The following WDPCP variants were observed in gnomAD, a reference collection of about 807,000 sequenced individuals.
WDPCP encodes WD repeat containing planar cell polarity effector, also known as WD repeat-containing and planar cell polarity effector protein fritz homolog.
Under a neutral mutation model 93.1 loss-of-function variants are expected in WDPCP, and 71 were observed. The ratio of observed to expected loss-of-function variants is 0.76; its 90% CI spans 0.63 to 0.93. WDPCP has a LOEUF of 0.93. WDPCP is among the 40% of genes least tolerant of loss of function. The pLI is 0.00. For synonymous variants in WDPCP, 315 were observed against 315.0 expected (o/e 1.00, Z 0.00); for missense variants, 844 against 887.4 (o/e 0.95, Z 0.62).
chr2:63,521,310 C>T (rs1026919510), intron 1 of WDPCP, among the ~76,000 whole-genome samples: 3 of 152,170 alleles, frequency 2.0e-5, no homozygotes, highest in Non-Finnish European at 4.4e-5. Flanking sequence ...CTTCAAGAAA[C>T]TCGTCTCACA....
chr2:63,337,332 G>GATATT (rs1688456443), intron 12 of WDPCP, among the ~76,000 whole-genome samples: 1 of 152,000 alleles, frequency 6.6e-6, no homozygotes, highest in African/African-American at 2.4e-5. Context: ...ATTTTTGATG[G>GATATT]CTGAATAATA....
chr2:63,161,786 C>T (rs1216078335), intron 15 of WDPCP, among the ~76,000 whole-genome samples: 12 of 145,608 alleles, frequency 8.2e-5, no homozygotes, highest in East Asian at 2.0e-4. Flanking sequence ...TTTTTTGACA[C>T]GGAGTCTTGC....
At chr2:63,423,115 A>G (rs1197908596) in intron 9 of WDPCP, among the ~76,000 whole-genome samples, 2 of 152,154 alleles carry the variant, frequency 1.3e-5, no homozygotes, top group East Asian at 1.9e-4. Flanking sequence ...GCACAGTTCT[A>G]TTTCCTCACT....
At position 63,741,662 on chromosome 2, in the gene WDPCP, G is replaced by A. The variant is rs140757405; in HGVS notation, n.308+71960C>T. 4.2e-3 allele frequency among the ~76,000 whole-genome samples: 632 copies of A among 151,576 alleles called. 3 individuals carry two copies. The highest frequency in any genetic ancestry group is 0.014 in the African/African-American group (584 of 41,322). On this transcript the variant is annotated intron_variant and non_coding_transcript_variant, in intron 2 of 4. Transcript: ENST00000467687. ...ATTTGCCACTTTTAATCAGAAACTG[G>A]GTAAGTGAAAAATCAGTGTTGTGGA...
At chr2:63,279,063 A>G (rs1282824155) in intron 13 of WDPCP, among the ~76,000 whole-genome samples, 1 of 152,204 alleles carries the variant, frequency 6.6e-6, no homozygotes, top group Non-Finnish European at 1.5e-5. Context: ...ACATTCAAAG[A>G]ATTGGTACCA....
chr2:63,198,682 A>C (rs1020260369), intron 14 of WDPCP, among the ~76,000 whole-genome samples: 75 of 152,290 alleles, frequency 4.9e-4, no homozygotes, highest in African/African-American at 1.7e-3. Context: ...TGCCATGACT[A>C]TAAGTTTTCT....
intron 15 of WDPCP, among the ~76,000 whole-genome samples, chr2:63,164,764 G>T (rs941249400): frequency 2.6e-5 from 4 of 152,060 alleles, no homozygotes; most frequent in African/African-American, 9.7e-5. Flanking sequence ...ACAACACAAA[G>T]GAGCAAGAGA....
intron 2 of WDPCP, among the ~76,000 whole-genome samples, chr2:63,734,845 GGATA>G (rs1043629743): frequency 3.1e-4 from 47 of 149,882 alleles, no homozygotes; most frequent in African/African-American, 8.9e-4. Flanking sequence ...AGTTGCAGAA[GGATA>G]GATAGATGGA....
At chr2:63,591,320 TTCTC>T (rs565506761), upstream of WDPCP, among the ~76,000 whole-genome samples, 1 of 152,234 alleles carries the variant, frequency 6.6e-6, no homozygotes, top group African/African-American at 2.4e-5. Flanking sequence ...GGACTTTTCT[TTCTC>T]TGTTTCATCT....
At chr2:63,715,073 T>C (rs1283863125) in intron 2 of WDPCP, among the ~76,000 whole-genome samples, 1 of 152,274 alleles carries the variant, frequency 6.6e-6, no homozygotes, top group Non-Finnish European at 1.5e-5. Flanking sequence ...TATGGGATGA[T>C]TCCATTTATA....
At chr2:63,742,696 T>C (rs1669742113) in intron 2 of WDPCP, among the ~76,000 whole-genome samples, 1 of 146,728 alleles carries the variant, frequency 6.8e-6, no homozygotes, top group African/African-American at 2.5e-5. Context: ...CCATACGAGA[T>C]GACATAAAAA....
intron 1 of WDPCP, among the ~76,000 whole-genome samples, chr2:63,522,287 A>C (rs1452208644): frequency 6.6e-6 from 1 of 151,982 alleles, no homozygotes; most frequent in African/African-American, 2.4e-5. Context: ...GAAGTTTATA[A>C]GACTAAACAC....
chr2:63,527,807 A>G (rs933176372), intron 1 of WDPCP, among the ~76,000 whole-genome samples: 7 of 152,070 alleles, frequency 4.6e-5, no homozygotes, highest in Admixed American at 2.0e-4. Flanking sequence ...TGTCTTCCAC[A>G]GTGGTTGAAC....
intron 14 of WDPCP, among the ~76,000 whole-genome samples, chr2:63,238,355 C>T (rs2104619176): frequency 6.6e-6 from 1 of 152,190 alleles, no homozygotes; most frequent in Admixed American, 6.5e-5. Flanking sequence ...AATCTTGAAA[C>T]ACGGCTCATG....
intron 7 of WDPCP, among the ~76,000 whole-genome samples, chr2:63,439,254 T>C (rs368218575): frequency 3.2e-4 from 48 of 152,242 alleles, no homozygotes; most frequent in African/African-American, 1.0e-3. Flanking sequence ...TGTCACTTAA[T>C]AGGACCTGAC....
intron 2 of WDPCP, among the ~76,000 whole-genome samples, chr2:63,669,477 A>G (rs1710320204): frequency 6.6e-6 from 1 of 151,586 alleles, no homozygotes; most frequent in Non-Finnish European, 1.5e-5. Context: ...CTTGTGCCTC[A>G]GCCTCCCGAG....
At chr2:63,391,433 T>C (rs1693238384) in intron 10 of WDPCP, among the ~76,000 whole-genome samples, 1 of 152,122 alleles carries the variant, frequency 6.6e-6, no homozygotes, top group Non-Finnish European at 1.5e-5. Context: ...ACAGCCAATA[T>C]CATACTGAAT....
the WDPCP span, among the ~76,000 whole-genome samples, chr2:63,836,182 G>C: frequency 6.6e-6 from 1 of 152,180 alleles, no homozygotes; most frequent in Non-Finnish European, 1.5e-5. Context: ...TATTTCGTTA[G>C]GTTGGTGGGT....
chr2:63,426,861 A>G (rs1310867585), intron 9 of WDPCP, among the ~76,000 whole-genome samples: 1 of 152,192 alleles, frequency 6.6e-6, no homozygotes, highest in African/African-American at 2.4e-5. Context: ...TTAAGGAGAA[A>G]GATCTATGAA....
Sources: allele counts gnomAD v4.1 joint callset (sites outside exome capture counted in the v4.1 genomes callset), GRCh38; gene constraint gnomAD v4.1.1; transcripts MANE v1.5; gene names NCBI Gene and HGNC (gene_info 2026-07-23, HGNC 2026-07-21).